RNF17: variants seen among roughly 807,000 people sequenced by gnomAD.
RNF17 encodes the protein spermatogenesis associated 23.
RNF17 carries 31 observed loss-of-function variants against 200.5 expected under a neutral mutation model. That is an observed-to-expected ratio of 0.15 (90% confidence interval 0.12 to 0.21). The LOEUF (loss-of-function observed/expected upper bound fraction) is 0.21, where lower values mean the gene tolerates loss of function less well. Ranked by LOEUF, RNF17 falls within the 10% of genes least tolerant of loss-of-function variation. RNF17 has a pLI of 1.00. For missense variants in RNF17, 1,628 were observed against 1,905.1 expected (o/e 0.85, Z 2.71); for synonymous variants, 606 against 637.8 (o/e 0.95, Z 0.75).
chr13:24,800,433 C>T lies in RNF17; in HGVS notation c.1657C>T (p.Leu553=). ...ACATATTGCACTAAATGATTTATGT[C>T]TGGTTCTAAGGAAATCTGAACCATA... ...KQHIALNDLC[L]VLRKSEPYTE... is the part of the protein sequence containing the mutation. The change falls in exon 13 of 36, where the codon CTG becomes TTG. Residue 553 remains leucine, a synonymous_variant. Coordinates refer to ENST00000255324, the MANE Select transcript of RNF17 (RefSeq NM_031277.3). The T allele has an allele frequency of 6.2e-7, 1 of 1,612,550 alleles. No homozygotes were observed.
At chr13:24,804,520 G>A in intron 15 of RNF17, 91 bp downstream of exon 15, 1 of 1,003,922 alleles carries the variant, frequency 1.0e-6, no homozygotes, top group Non-Finnish European at 1.4e-6. Context: ...GTCAATTTTA[G>A]TCAGAGCAAA....
At chr13:24,800,635 C>A in intron 13 of RNF17, 101 bp downstream of exon 13, 1 of 859,098 alleles carries the variant, frequency 1.2e-6, no homozygotes, top group Non-Finnish European at 1.8e-6. Flanking sequence ...AACCAGTAAT[C>A]TTGATAAATA....
intron 28 of RNF17, among the ~76,000 whole-genome samples, chr13:24,863,164 ATC>A (rs1184302185): frequency 3.9e-5 from 6 of 152,186 alleles, no homozygotes; most frequent in African/African-American, 1.2e-4. Flanking sequence ...GTCTATCATG[ATC>A]TGTGTCCTCA....
intron 18 of RNF17, among the ~76,000 whole-genome samples, chr13:24,837,327 C>T (rs978715847): frequency 6.6e-6 from 1 of 152,038 alleles, no homozygotes; most frequent in Non-Finnish European, 1.5e-5. Flanking sequence ...TCAAGACAGT[C>T]AACAAAGAAA....
At chr13:24,754,502 G>T in the RNF17 span, among the ~76,000 whole-genome samples, 2 of 152,092 alleles carry the variant, frequency 1.3e-5, no homozygotes, top group East Asian at 3.9e-4. Flanking sequence ...ATCAGAAGAC[G>T]TCTGAGGAGA....
chr13:24,872,535 A>AG (rs1894407478), intron 32 of RNF17, among the ~76,000 whole-genome samples: 1 of 122,962 alleles, frequency 8.1e-6, no homozygotes, highest in African/African-American at 3.2e-5. Flanking sequence ...TCATTGGTAC[A>AG]CTTTTTTTTT....
At chr13:24,792,979 C>T in intron 9 of RNF17, 63 bp from the exon 10 acceptor site, 5 of 1,136,518 alleles carry the variant, frequency 4.4e-6, no homozygotes, top group Non-Finnish European at 6.2e-6. Flanking sequence ...TTTCTAGTGA[C>T]TTATTCATGG....
chr13:24,826,227 C>T, intron 16 of RNF17: 2 of 306,340 alleles, frequency 6.5e-6, no homozygotes, highest in Non-Finnish European at 9.6e-6. Flanking sequence ...TTTCTACATC[C>T]TCCTTAAGTA....
chr13:24,780,739 G>A (rs1043180856), intron 5 of RNF17, among the ~76,000 whole-genome samples: 2 of 152,032 alleles, frequency 1.3e-5, no homozygotes, highest in Non-Finnish European at 2.9e-5. Flanking sequence ...AAAGTTAGCC[G>A]GGCATGGTGG....
At chr13:24,755,672 G>A in the RNF17 span, among the ~76,000 whole-genome samples, 3 of 152,062 alleles carry the variant, frequency 2.0e-5, no homozygotes, top group Admixed American at 6.5e-5. Context: ...GAAAAGTTTC[G>A]TCTCTGAAAT....
intron 3 of RNF17, among the ~76,000 whole-genome samples, chr13:24,775,768 A>G (rs896251004): frequency 5.9e-5 from 9 of 152,204 alleles, no homozygotes; most frequent in East Asian, 1.9e-4. Flanking sequence ...ATGAGTATCT[A>G]TGTTACTGAC....
chr13:24,817,265 T>A (rs1887513539), intron 15 of RNF17, among the ~76,000 whole-genome samples: 1 of 152,116 alleles, frequency 6.6e-6, no homozygotes, highest in Non-Finnish European at 1.5e-5. Flanking sequence ...TGTAGGAGGT[T>A]TTTGAATCCT....
At chr13:24,813,007 T>G (rs1327090472) in intron 15 of RNF17, among the ~76,000 whole-genome samples, 1 of 151,976 alleles carries the variant, frequency 6.6e-6, no homozygotes. Flanking sequence ...AAGTGTGAAA[T>G]GGTATCACTT....
intron 15 of RNF17, among the ~76,000 whole-genome samples, chr13:24,807,623 T>C (rs1267664959): frequency 3.9e-5 from 6 of 152,184 alleles, no homozygotes; most frequent in Non-Finnish European, 8.8e-5. Flanking sequence ...GTAGTTTCTT[T>C]TGCTGTGCAG....
intron 16 of RNF17, chr13:24,826,004 A>C (rs1324884761): frequency 2.0e-6 from 2 of 985,066 alleles, no homozygotes; most frequent in Non-Finnish European, 2.4e-6. Flanking sequence ...AGTTGTATAG[A>C]TAGAACAAAG....
rs71186848 is a variant in RNF17 at position 24,812,674 on chromosome 13, G to GCC, written c.2091+8248_2091+8249dup. 3.6e-3 allele frequency among the ~76,000 whole-genome samples: 87 copies of GCC among 24,078 alleles called. 5 individuals carry two copies. Among genetic ancestry groups the GCC allele is most frequent in the Middle Eastern group, 0.036 (1 of 28 alleles). 15.8% of individuals were successfully genotyped at this position (24,078 alleles called of 152,430 possible). On this transcript the variant is annotated intron_variant, in intron 15 of 35. Coordinates refer to ENST00000255324, the MANE Select transcript of RNF17 (RefSeq NM_031277.3). ...AGCCATCTTGGCTCCTCCCCTCCCC[G>GCC]CCCCACCCCCTTTTTTTTTTTTTTT...
intron 15 of RNF17, among the ~76,000 whole-genome samples, chr13:24,817,124 G>A (rs1887501108): frequency 6.6e-6 from 1 of 152,204 alleles, no homozygotes; most frequent in Non-Finnish European, 1.5e-5. Context: ...TCAGGGTAAT[G>A]CAGCCTCTTA....
At chr13:24,813,350 C>G (rs1036085828) in intron 15 of RNF17, among the ~76,000 whole-genome samples, 6 of 151,938 alleles carry the variant, frequency 3.9e-5, no homozygotes, top group African/African-American at 1.2e-4. Context: ...GACACAGGGT[C>G]TTGCTAGGTA....
chr13:24,852,138 T>C (rs113065350), intron 24 of RNF17, among the ~76,000 whole-genome samples: 39 of 30,688 alleles, frequency 1.3e-3, no homozygotes, highest in Admixed American at 3.6e-3. Flanking sequence ...CTCTCTCTCT[T>C]TTTTTTTTTT....
Sources: allele counts gnomAD v4.1 joint callset (sites outside exome capture counted in the v4.1 genomes callset), GRCh38; gene constraint gnomAD v4.1.1; transcripts MANE v1.5; gene names NCBI Gene and HGNC (gene_info 2026-07-23, HGNC 2026-07-21).